The following NLRP11 variants were observed in gnomAD, a reference collection of about 807,000 sequenced individuals.
NLRP11 encodes NLR family pyrin domain containing 11.
NLRP11 carries 53 observed loss-of-function variants against 79.3 expected under a neutral mutation model. The observed-to-expected ratio is 0.67, with a 90% CI of 0.54 to 0.84. The LOEUF is 0.84. Ranked by LOEUF, NLRP11 falls within the 40% of genes least tolerant of loss-of-function variation. The pLI, the probability that NLRP11 is intolerant of heterozygous loss-of-function variation, is 0.00. For missense variants in NLRP11, 1,264 were observed against 1,255.0 expected (o/e 1.01, Z -0.11); for synonymous variants, 518 against 462.6 (o/e 1.12, Z -1.54).
rs1978382977 is a variant in NLRP11 at position 55,792,587 on chromosome 19, A to G, written c.2343-116T>C. 4 of 692,316 alleles carry G rather than the reference A, an allele frequency of 5.8e-6. No individual in the cohort carries two copies. The South Asian group carries it at 7.0e-5, about 12-fold the overall frequency. 42.9% of individuals were successfully genotyped at this position (692,316 alleles called of 1,614,324 possible). On this transcript the variant is annotated intron_variant, in intron 6 of 9. Coordinates refer to ENST00000589093, the Ensembl canonical transcript of NLRP11. The stretch of plus-strand genomic sequence containing the variant: ...ATGCCTTCTACTGCCATTGCCCCAA[A>G]TCTCTACCAATGACTTTCTTATTTG...
intron 4 of NLRP11, among the ~76,000 whole-genome samples, chr19:55,803,304 G>GCC (rs1979663597): frequency 6.6e-6 from 1 of 152,108 alleles, no homozygotes; most frequent in Non-Finnish European, 1.5e-5. Context: ...CCGAGATCAT[G>GCC]CCACTGTACT....
intron 3 of NLRP11, among the ~76,000 whole-genome samples, chr19:55,808,550 A>G (rs1980236675): frequency 6.6e-6 from 1 of 152,210 alleles, no homozygotes. Flanking sequence ...CCCCCACCAC[A>G]AAGAATAGCT....
At chr19:55,789,143 A>T in intron 8 of NLRP11, 86 bp downstream of exon 8, 1 of 1,433,130 alleles carries the variant, frequency 7.0e-7, no homozygotes, top group Non-Finnish European at 9.6e-7. Flanking sequence ...TGTCCGAGGT[A>T]TTGTATTTCC....
upstream of NLRP11, chr19:55,836,373 G>A (rs1983285113): frequency 6.6e-6 from 1 of 152,158 alleles, no homozygotes; most frequent in Admixed American, 6.5e-5. Context: ...TACGACACCA[G>A]GAGCAAAGGT....
intron 1 of NLRP11, among the ~76,000 whole-genome samples, chr19:55,824,918 G>C: frequency 1.3e-5 from 1 of 74,124 alleles, no homozygotes; most frequent in Non-Finnish European, 2.2e-5. Context: ...GGACCTAATA[G>C]ACATCTACAG....
In NLRP11 at chr19:55,788,942, C is replaced by T. The variant is rs73616926; in HGVS notation, c.2720G>A (p.Arg907Gln). 555 of 1,613,716 alleles carry T rather than the reference C, an allele frequency of 3.4e-4. 2 individuals carry two copies. In the African/African-American group the frequency reaches 5.3e-3, roughly 15 times the overall value. The stretch of plus-strand genomic sequence containing the variant: ...GGTGGTAAGAACAGAGGCAAGAGAT[C>T]GACAGCAGGCACTGGTTAACATGCA... The change falls in exon 9 of 10, where the codon CGA (arginine) becomes CAA (glutamine). Residue 907 changes from arginine to glutamine, a missense_variant. Physicochemically the swap from Arg to Gln is conservative, Grantham distance 43. Transcript: ENST00000589093.
intron 1 of NLRP11, among the ~76,000 whole-genome samples, chr19:55,818,467 G>A (rs1269896258): frequency 6.6e-6 from 1 of 152,130 alleles, no homozygotes; most frequent in Non-Finnish European, 1.5e-5. Context: ...ACATTCTTAT[G>A]GTAAAAGTTA....
intron 4 of NLRP11, among the ~76,000 whole-genome samples, chr19:55,807,010 T>C (rs1052757092): frequency 2.0e-5 from 3 of 152,172 alleles, no homozygotes; most frequent in African/African-American, 7.2e-5. Flanking sequence ...ACCCTGACCT[T>C]GCCATTCTTT....
chr19:55,804,705 C>T (rs539185523), intron 4 of NLRP11, among the ~76,000 whole-genome samples: 1 of 152,144 alleles, frequency 6.6e-6, no homozygotes, highest in South Asian at 2.1e-4. Context: ...GTACGTCAAA[C>T]CTGTGACACA....
At chr19:55,810,664 T>C (rs1053811068) in intron 2 of NLRP11, among the ~76,000 whole-genome samples, 1 of 152,104 alleles carries the variant, frequency 6.6e-6, no homozygotes, top group East Asian at 1.9e-4. Flanking sequence ...ACCTGGCTAA[T>C]TTTTTGTATT....
upstream of NLRP11, among the ~76,000 whole-genome samples, chr19:55,833,468 T>C (rs1369478188): frequency 6.6e-6 from 1 of 152,036 alleles, no homozygotes; most frequent in Non-Finnish European, 1.5e-5. Flanking sequence ...ACTATGGTAA[T>C]TAAGACTTAT....
At chr19:55,831,985 T>C (rs1472554504) in exon 1 of NLRP11, 3 of 152,382 alleles carry the variant, frequency 2.0e-5, no homozygotes, top group Non-Finnish European at 4.4e-5. Context: ...CAGGTCTCCT[T>C]GGCTGGTCGA....
upstream of NLRP11, chr19:55,832,987 C>T (rs1982929599): frequency 6.6e-6 from 1 of 152,104 alleles, no homozygotes. Flanking sequence ...CCCCTTAAAT[C>T]TATTGATAAA....
intron 5 of NLRP11, among the ~76,000 whole-genome samples, chr19:55,797,217 T>G (rs1979007168): frequency 6.6e-6 from 1 of 152,172 alleles, no homozygotes; most frequent in African/African-American, 2.4e-5. Flanking sequence ...GCGGATCACT[T>G]GAACTCAGGA....
Position 55,794,115 on chromosome 19 carries a change from G to A in NLRP11, c.2343-1644C>T, listed in dbSNP as rs1463701458. ...TATTTTAAATACAGGTATGAACTAC[G>A]AAAAACTCCATGCCAACAATCTAAG... is the stretch of plus-strand genomic sequence containing the variant. On this transcript the variant is annotated intron_variant, in intron 6 of 9. Coordinates refer to ENST00000589093, the Ensembl canonical transcript of NLRP11. Among the ~76,000 whole-genome samples the A allele has an allele frequency of 3.9e-5, 6 of 152,148 alleles. No homozygotes were observed. In the South Asian group the frequency reaches 8.3e-4, roughly 21 times the overall value.
Position 55,809,718 on chromosome 19 carries a change from A to AG in NLRP11, c.891dup (p.Gln299AlafsTer12). On this transcript the variant is annotated frameshift_variant, in exon 3 of 10. Transcript: ENST00000589093. LOFTEE classifies it high-confidence loss of function. The surrounding 1 kb of genome is among the most constrained non-coding windows in gnomAD (Gnocchi z 4.5). ...TCCCTCTTCCCATTCGACAGCTGCA[A>AG]GGTCGTGCAGCAATCTACCTCTTTC... 6.2e-7 allele frequency: 1 copy of AG among 1,614,178 alleles called. No individual in the cohort carries two copies. The highest frequency in any genetic ancestry group is 8.5e-7 in the Non-Finnish European group (1 of 1,179,990).
chr19:55,795,914 C>T (rs1206370198), intron 6 of NLRP11, among the ~76,000 whole-genome samples, 166 bp downstream of exon 6: 1 of 152,182 alleles, frequency 6.6e-6, no homozygotes, highest in Non-Finnish European at 1.5e-5. Context: ...TTTCGCAAAT[C>T]AGCTGTCAAC....
intron 1 of NLRP11, among the ~76,000 whole-genome samples, chr19:55,829,902 C>G (rs1023943392): frequency 6.6e-6 from 1 of 152,106 alleles, no homozygotes; most frequent in African/African-American, 2.4e-5. Context: ...GACCAGAAGC[C>G]TTATCAACAG....
At chr19:55,817,993 T>C in exon 2 of NLRP11, 1 of 1,613,374 alleles carries the variant, frequency 6.2e-7, no homozygotes, top group Non-Finnish European at 8.5e-7. Flanking sequence ...ATACTGTCCC[T>C]CATAAGAGAT....
Sources: gnomAD v4.1 joint callset for allele counts (sites outside exome capture counted in the v4.1 genomes callset) on GRCh38, gnomAD v4.1.1 for gene constraint, Gnocchi (gnomAD v3.1) non-coding constraint, MANE v1.5 for transcripts, NCBI Gene and HGNC (gene_info 2026-07-23, HGNC 2026-07-21) for gene names.